Variants in LYPLAL1 observed in about 807,000 individuals in gnomAD.
LYPLAL1 encodes the protein lysophospholipase like 1, also known as lysophospholipase-like protein 1.
Under a neutral mutation model 19.7 loss-of-function variants are expected in LYPLAL1, and 23 were observed. The observed-to-expected ratio is 1.17, with a 90% CI of 0.84 to 1.65. LYPLAL1 has a LOEUF of 1.65. LYPLAL1 is among the 40% of genes most tolerant of loss of function. The pLI is 0.00. For synonymous variants in LYPLAL1, 119 were observed against 96.3 expected (o/e 1.24, Z -1.38); for missense variants, 355 against 279.4 (o/e 1.27, Z -1.93).
the LYPLAL1 span, among the ~76,000 whole-genome samples, chr1:219,231,520 A>G: frequency 6.6e-6 from 1 of 152,200 alleles, no homozygotes; most frequent in Admixed American, 6.5e-5. Context: ...TTGTGTATAT[A>G]TATGTATATG....
chr1:219,277,471 T>C, the LYPLAL1 span, among the ~76,000 whole-genome samples: 1 of 152,130 alleles, frequency 6.6e-6, no homozygotes, highest in South Asian at 2.1e-4. Flanking sequence ...TTCACTTATC[T>C]AAACATGGGC....
rs1268422330 is a variant in LYPLAL1 at position 219,179,133 on chromosome 1, T to C, written c.92-14T>C. The C allele has an allele frequency of 6.4e-7, 1 of 1,562,430 alleles. No individual in the cohort carries two copies. Among genetic ancestry groups the C allele is most frequent in the Non-Finnish European group, 8.7e-7 (1 of 1,148,080 alleles). On this transcript the variant is annotated splice_polypyrimidine_tract_variant and intron_variant, in intron 1 of 4. Transcript: ENST00000366928. The stretch of plus-strand genomic sequence containing the variant: ...TAAAATATTTATTTTAATCTAGATT[T>C]TTTGATTCATCAGGTGATTCTGGAC...
chr1:219,189,965 C>T (rs759000566), intron 2 of LYPLAL1, among the ~76,000 whole-genome samples: 10 of 151,472 alleles, frequency 6.6e-5, no homozygotes, highest in Non-Finnish European at 1.5e-4. Context: ...ACTTACCTTA[C>T]ACAACTTCAA....
At chr1:219,233,702 C>T in the LYPLAL1 span, among the ~76,000 whole-genome samples, 1 of 151,272 alleles carries the variant, frequency 6.6e-6, no homozygotes, top group South Asian at 2.1e-4. Context: ...ACCACGAGGT[C>T]GAGGCTGCAG....
the LYPLAL1 span, among the ~76,000 whole-genome samples, chr1:219,381,919 T>G: frequency 2.0e-5 from 3 of 152,278 alleles, no homozygotes; most frequent in Non-Finnish European, 1.5e-5. Context: ...TCTGTATGGA[T>G]CTGTATGGAT....
the LYPLAL1 span, among the ~76,000 whole-genome samples, chr1:219,341,062 A>C: frequency 6.6e-6 from 1 of 152,060 alleles, no homozygotes; most frequent in Non-Finnish European, 1.5e-5. Flanking sequence ...ATGTATCTGT[A>C]TCTGTCTAAT....
the LYPLAL1 span, among the ~76,000 whole-genome samples, chr1:219,349,299 C>T: frequency 1.3e-5 from 2 of 152,160 alleles, no homozygotes; most frequent in Non-Finnish European, 2.9e-5. Context: ...AACTGAGAAA[C>T]TACTCTGTGT....
chr1:219,443,179 G>A, the LYPLAL1 span, among the ~76,000 whole-genome samples: 2 of 151,874 alleles, frequency 1.3e-5, no homozygotes, highest in African/African-American at 4.8e-5. Flanking sequence ...TTTCTCTTGT[G>A]GATGAGGTAT....
the LYPLAL1 span, among the ~76,000 whole-genome samples, chr1:219,258,067 A>G: frequency 6.6e-6 from 1 of 152,026 alleles, no homozygotes; most frequent in African/African-American, 2.4e-5. Context: ...ATATGGCTCT[A>G]TTCTGCTCAA....
chr1:219,378,506 A>G, the LYPLAL1 span, among the ~76,000 whole-genome samples: 1 of 152,206 alleles, frequency 6.6e-6, no homozygotes, highest in African/African-American at 2.4e-5. Context: ...GGGTGAGGAC[A>G]CAGCCAAACC....
the LYPLAL1 span, among the ~76,000 whole-genome samples, chr1:219,262,468 C>A: frequency 6.6e-6 from 1 of 152,106 alleles, no homozygotes; most frequent in African/African-American, 2.4e-5. Context: ...TACACTATTT[C>A]AGAGGAAAAG....
At chr1:219,220,205 C>T in the LYPLAL1 span, among the ~76,000 whole-genome samples, 1 of 152,172 alleles carries the variant, frequency 6.6e-6, no homozygotes, top group African/African-American at 2.4e-5. Flanking sequence ...ATTATGCCAC[C>T]CTACTTTGGC....
At chr1:219,198,561 A>C (rs1657806599) in intron 3 of LYPLAL1, 1 of 152,116 alleles carries the variant, frequency 6.6e-6, no homozygotes, top group Admixed American at 6.5e-5. Flanking sequence ...ACATTCACTT[A>C]AATATCTATT....
the LYPLAL1 span, among the ~76,000 whole-genome samples, chr1:219,320,398 G>A: frequency 6.6e-6 from 1 of 151,870 alleles, no homozygotes; most frequent in Non-Finnish European, 1.5e-5. Flanking sequence ...TGATCGTCAA[G>A]ATTAATCACC....
chr1:219,215,303 A>G (rs898446049), downstream of LYPLAL1, among the ~76,000 whole-genome samples: 8 of 152,034 alleles, frequency 5.3e-5, no homozygotes, highest in Non-Finnish European at 1.2e-4. Flanking sequence ...TTCTTACTTG[A>G]ATTATTTCGG....
In LYPLAL1 at chr1:219,179,127, T is replaced by C; in HGVS notation, c.92-20T>C. 6.5e-7 allele frequency: 1 copy of C among 1,531,224 alleles called. No individual in the cohort carries two copies. The highest frequency in any genetic ancestry group is 8.9e-7 in the Non-Finnish European group (1 of 1,120,656). 94.9% of individuals were successfully genotyped at this position (1,531,224 alleles called of 1,614,324 possible). A position where few individuals can be genotyped will look rare whatever the true frequency, so the allele number is the denominator to read the frequency against. ...TATTACTAAAATATTTATTTTAATC[T>C]AGATTTTTTGATTCATCAGGTGATT... On this transcript the variant is annotated intron_variant, in intron 1 of 4. Coordinates refer to ENST00000366928, the MANE Select transcript of LYPLAL1 (RefSeq NM_138794.5).
the LYPLAL1 span, among the ~76,000 whole-genome samples, chr1:219,276,659 A>G: frequency 2.1e-4 from 32 of 152,290 alleles, no homozygotes; most frequent in Admixed American, 1.5e-3. Context: ...GGGGAATACG[A>G]CAAATAAAGA....
At chr1:219,265,426 T>A in the LYPLAL1 span, among the ~76,000 whole-genome samples, 3 of 152,186 alleles carry the variant, frequency 2.0e-5, no homozygotes, top group Non-Finnish European at 4.4e-5. Context: ...TACACAATAA[T>A]CTATTATTTA....
At chr1:219,304,477 C>A in the LYPLAL1 span, among the ~76,000 whole-genome samples, 2 of 152,118 alleles carry the variant, frequency 1.3e-5, no homozygotes, top group African/African-American at 4.8e-5. Context: ...AAAAGCCATT[C>A]GTATGATTTC....
Sources: allele counts gnomAD v4.1 joint callset (sites outside exome capture counted in the v4.1 genomes callset), GRCh38; gene constraint gnomAD v4.1.1; transcripts MANE v1.5; gene names NCBI Gene and HGNC (gene_info 2026-07-23, HGNC 2026-07-21).